Variants in PARD3B observed in about 807,000 individuals in gnomAD.
PARD3B encodes par-3 family cell polarity regulator beta, also known as partitioning defective 3 homolog B.
A neutral mutation model predicts 130.2 loss-of-function variants in PARD3B; 103 were observed. The observed-to-expected ratio is 0.79, with a 90% confidence interval of 0.67 to 0.93. PARD3B has a LOEUF of 0.93. Among genes scored for constraint, PARD3B ranks in the 40% least tolerant of loss-of-function variants. The pLI, the probability that PARD3B is intolerant of heterozygous loss-of-function variation, is 0.00. For missense variants in PARD3B, 1,609 were observed against 1,499.2 expected (o/e 1.07, Z -1.21); for synonymous variants, 583 against 553.2 (o/e 1.05, Z -0.76).
At chr2:204,773,413 G>T (rs2041474632) in intron 2 of PARD3B, among the ~76,000 whole-genome samples, 1 of 151,462 alleles carries the variant, frequency 6.6e-6, no homozygotes, top group African/African-American at 2.4e-5. Context: ...TTTTCTTAGA[G>T]ATAGCTGTAA....
intron 1 of PARD3B, among the ~76,000 whole-genome samples, chr2:204,595,997 T>G (rs192436702): frequency 6.6e-6 from 1 of 152,376 alleles, no homozygotes; most frequent in African/African-American, 2.4e-5. Flanking sequence ...TGTGCTCTGC[T>G]ATCATGCAGC....
chr2:205,348,274 G>A (rs569322725), intron 18 of PARD3B: 1 of 152,344 alleles, frequency 6.6e-6, no homozygotes, highest in Admixed American at 6.5e-5. Flanking sequence ...TTCATCACTT[G>A]TGCTTAGAAC....
chr2:205,337,713 A>G (rs1302603213), intron 18 of PARD3B, among the ~76,000 whole-genome samples: 3 of 152,248 alleles, frequency 2.0e-5, no homozygotes, highest in Non-Finnish European at 2.9e-5. Flanking sequence ...GTTTTGGTGC[A>G]TAAGTAAATA....
At chr2:205,380,262 G>A (rs2045280878) in intron 18 of PARD3B, among the ~76,000 whole-genome samples, 2 of 22,650 alleles carry the variant, frequency 8.8e-5, no homozygotes, top group Admixed American at 1.2e-3. Context: ...AATATATAAA[G>A]AATATATATT....
At chr2:205,217,970 G>T (rs1276829232) in intron 15 of PARD3B, among the ~76,000 whole-genome samples, 7 of 143,864 alleles carry the variant, frequency 4.9e-5, no homozygotes, top group Admixed American at 3.6e-4. Flanking sequence ...ATGGCTCACT[G>T]CAACCTCCAC....
chr2:205,295,659 A>G (rs1431093062), intron 16 of PARD3B, among the ~76,000 whole-genome samples: 3 of 152,194 alleles, frequency 2.0e-5, no homozygotes, highest in Admixed American at 6.5e-5. Context: ...AATTTCATCA[A>G]TAATGGAAGA....
intron 19 of PARD3B, among the ~76,000 whole-genome samples, chr2:205,418,474 T>C (rs1380222659): frequency 6.6e-6 from 1 of 152,012 alleles, no homozygotes; most frequent in Non-Finnish European, 1.5e-5. Context: ...AAGCTAACTA[T>C]GATAAATGCT....
At chr2:205,104,382 C>T (rs765569901) in intron 4 of PARD3B, 44 bp from the exon 5 acceptor site, 70 of 1,366,116 alleles carry the variant, frequency 5.1e-5, no homozygotes, top group Non-Finnish European at 7.0e-5. Flanking sequence ...ATTTTCAATT[C>T]AATATGCACA....
chr2:204,701,955 G>A (rs1159834141), intron 2 of PARD3B, among the ~76,000 whole-genome samples: 7 of 152,006 alleles, frequency 4.6e-5, no homozygotes, highest in African/African-American at 1.2e-4. Flanking sequence ...CCATGAGTAC[G>A]TGTTGTTTAG....
chr2:205,251,083 C>T (rs2039826189), intron 16 of PARD3B, among the ~76,000 whole-genome samples: 1 of 152,188 alleles, frequency 6.6e-6, no homozygotes, highest in Non-Finnish European at 1.5e-5. Flanking sequence ...ACAGCCCCTA[C>T]ATGACACACA....
intron 18 of PARD3B, among the ~76,000 whole-genome samples, chr2:205,318,232 G>A (rs1039568289): frequency 6.6e-6 from 1 of 152,072 alleles, no homozygotes; most frequent in African/African-American, 2.4e-5. Flanking sequence ...TCATAGATTT[G>A]TTCTGCTTTC....
In PARD3B at chr2:205,281,015, AC is replaced by A. The variant is rs1445131660; in HGVS notation, c.2186-19514del. 1.3e-5 allele frequency among the ~76,000 whole-genome samples: 2 copies of A among 152,196 alleles called. No individual in the cohort carries two copies. Among genetic ancestry groups the A allele is most frequent in the Admixed American group, 6.6e-5 (1 of 15,266 alleles). ...ACTTTACTTATGAGCAAAGGCTGAA[AC>A]ACTGTGAAAGCCTTTTTATTAGTCG... On this transcript the variant is annotated intron_variant, in intron 16 of 22. Transcript: ENST00000406610. This position sits in a 1 kb window ranked among gnomAD's most constrained non-coding sequence, Gnocchi z 4.2.
intron 18 of PARD3B, among the ~76,000 whole-genome samples, chr2:205,386,894 T>C (rs2045680139): frequency 6.6e-6 from 1 of 152,160 alleles, no homozygotes; most frequent in Admixed American, 6.6e-5. Flanking sequence ...CCTAAGAAAC[T>C]ACCTCTTAAT....
At chr2:205,431,748 C>T (rs1002398451) in intron 19 of PARD3B, among the ~76,000 whole-genome samples, 2 of 152,128 alleles carry the variant, frequency 1.3e-5, no homozygotes, top group Non-Finnish European at 2.9e-5. Flanking sequence ...GGATTACAGA[C>T]GTGAGCCACC....
chr2:205,302,512 T>C (rs1256322825), intron 18 of PARD3B, among the ~76,000 whole-genome samples: 3 of 152,184 alleles, frequency 2.0e-5, no homozygotes, highest in Non-Finnish European at 4.4e-5. Flanking sequence ...CAATACTTAG[T>C]AGAGGCATGG....
chr2:204,647,378 T>A (rs879408506), intron 1 of PARD3B, among the ~76,000 whole-genome samples: 3 of 151,942 alleles, frequency 2.0e-5, no homozygotes, highest in Non-Finnish European at 4.4e-5. Flanking sequence ...GTATTTTTTT[T>A]AATTTTGTGC....
Position 205,253,064 on chromosome 2 carries a change from T to C in PARD3B, c.2185+7242T>C, listed in dbSNP as rs140162215. 5.3e-5 allele frequency among the ~76,000 whole-genome samples: 8 copies of C among 152,256 alleles called. No homozygotes were observed. The East Asian group carries it at 1.5e-3, about 29-fold the overall frequency. On this transcript the variant is annotated intron_variant, in intron 16 of 22. Coordinates refer to ENST00000406610, the MANE Select transcript of PARD3B (RefSeq NM_001302769.2). The surrounding 1 kb of genome is among the most constrained non-coding windows in gnomAD (Gnocchi z 4.4). The stretch of plus-strand genomic sequence containing the variant: ...TGTACTTGTCAGCTATTGCTGCAAC[T>C]ATGCTGCATAATAAAACCAACAGTA...
intron 2 of PARD3B, among the ~76,000 whole-genome samples, chr2:204,824,825 T>G (rs1391346841): frequency 1.3e-5 from 2 of 152,170 alleles, no homozygotes; most frequent in African/African-American, 2.4e-5. Context: ...GGTTTTGAGC[T>G]TATAGAAATA....
chr2:204,762,135 T>G, intron 2 of PARD3B, among the ~76,000 whole-genome samples: 1 of 141,420 alleles, frequency 7.1e-6, no homozygotes, highest in South Asian at 2.3e-4. Context: ...TTTTTTTTTT[T>G]TTTTGAGATG....
Sources: allele counts gnomAD v4.1 joint callset (sites outside exome capture counted in the v4.1 genomes callset), GRCh38; gene constraint gnomAD v4.1.1; non-coding constraint Gnocchi (gnomAD v3.1); transcripts MANE v1.5; gene names NCBI Gene and HGNC (gene_info 2026-07-23, HGNC 2026-07-21).